The following ZNF429 variants were observed in gnomAD, a reference collection of about 807,000 sequenced individuals.
ZNF429 encodes zinc finger protein 429.
Under a neutral mutation model 56.8 loss-of-function variants are expected in ZNF429, and 53 were observed. That is an observed-to-expected ratio of 0.93 (90% confidence interval 0.75 to 1.17). ZNF429 has a LOEUF of 1.17. Among genes scored for constraint, ZNF429 ranks in the 50% most tolerant of loss-of-function variants. The probability of loss-of-function intolerance (pLI) is 0.00; values close to 1 mark genes in which losing one functional copy is unlikely to be tolerated. For synonymous variants in ZNF429, 278 were observed against 264.7 expected (o/e 1.05, Z -0.49); for missense variants, 849 against 788.4 (o/e 1.08, Z -0.92).
In ZNF429 at chr19:21,539,620, G is replaced by A. The variant is rs1296485771; in HGVS notation, c.*1542G>A. On this transcript the variant is annotated 3_prime_UTR_variant, in exon 4 of 4. Coordinates refer to ENST00000358491, the MANE Select transcript of ZNF429 (RefSeq NM_001001415.4). ...TTTTTTTTGTATTTTTAGTAGAGAT[G>A]AGATTTCACCATTTTGTCCAGGGTG... Among the ~76,000 whole-genome samples the A allele has an allele frequency of 6.8e-6, 1 of 148,116 alleles. No homozygotes were observed. Among genetic ancestry groups the A allele is most frequent in the African/African-American group, 2.5e-5 (1 of 40,134 alleles).
intron 1 of ZNF429, among the ~76,000 whole-genome samples, chr19:21,511,581 T>A (rs1161344120): frequency 3.4e-5 from 5 of 148,586 alleles, no homozygotes; most frequent in Non-Finnish European, 7.4e-5. Context: ...GAGACGCTCC[T>A]CACTTTCCAG....
intron 1 of ZNF429, among the ~76,000 whole-genome samples, chr19:21,512,400 C>A (rs145008907): frequency 6.6e-6 from 1 of 151,972 alleles, no homozygotes; most frequent in Admixed American, 6.6e-5. Flanking sequence ...GGGCCATGCG[C>A]GGTAATTTCA....
chr19:21,531,135 A>C, intron 3 of ZNF429, among the ~76,000 whole-genome samples: 10,831 of 141,038 alleles, frequency 0.077, 1,414 homozygotes, highest in African/African-American at 0.25. Context: ...AAAAACCAAA[A>C]AAAAAAAAAC....
chr19:21,532,944 C>T, intron 3 of ZNF429, among the ~76,000 whole-genome samples: 1 of 152,030 alleles, frequency 6.6e-6, no homozygotes. Flanking sequence ...ATCTGCCTGC[C>T]TCGGCCTCTC....
Position 21,505,785 on chromosome 19 carries a change from C to T in ZNF429, c.3+11C>T, listed in dbSNP as rs200587037. On this transcript the variant is annotated intron_variant, in intron 1 of 3. Transcript: ENST00000358491. Reference sequence around the variant, plus strand: ...GGAAGCCTAGAAATGGTGAGAGTGCCGAGTCTGACATCCCCAGAGAGGGGG... The same window carrying T: ...GGAAGCCTAGAAATGGTGAGAGTGCTGAGTCTGACATCCCCAGAGAGGGGG... 4 of 1,611,274 alleles carry T rather than the reference C, an allele frequency of 2.5e-6. No homozygotes were observed. The highest frequency in any genetic ancestry group is 3.3e-4 in the Middle Eastern group (2 of 6,052).
At chr19:21,535,416 CTTTCTTTCTTT>C in intron 3 of ZNF429, among the ~76,000 whole-genome samples, 409 of 7,916 alleles carry the variant, frequency 0.052, 55 homozygotes, top group Admixed American at 0.11. Flanking sequence ...TTTTTCTTTT[CTTTCTTTCTTT>C]CTTTCTTTCT....
chr19:21,519,315 T>C (rs965143182), intron 1 of ZNF429, among the ~76,000 whole-genome samples: 1 of 152,014 alleles, frequency 6.6e-6, no homozygotes, highest in African/African-American at 2.4e-5. Context: ...GAGAAACAAA[T>C]TTTCCTTTCT....
chr19:21,528,689 A>G (rs1304199043), intron 1 of ZNF429, among the ~76,000 whole-genome samples: 1 of 152,058 alleles, frequency 6.6e-6, no homozygotes, highest in African/African-American at 2.4e-5. Context: ...TGGGGGACAG[A>G]GTGAGACTCC....
chr19:21,516,034 TTTG>T (rs1159424582), intron 1 of ZNF429, among the ~76,000 whole-genome samples: 1 of 151,996 alleles, frequency 6.6e-6, no homozygotes, highest in Non-Finnish European at 1.5e-5. Context: ...TGCCTCCAGC[TTTG>T]TTTTTTGTTT....
chr19:21,528,236 A>C (rs1046931177), intron 1 of ZNF429, among the ~76,000 whole-genome samples: 2 of 152,206 alleles, frequency 1.3e-5, no homozygotes, highest in Admixed American at 6.5e-5. Flanking sequence ...AGAACATGTA[A>C]TGTTGAGGTT....
chr19:21,509,683 T>C (rs1027850773), intron 1 of ZNF429, among the ~76,000 whole-genome samples: 1 of 152,208 alleles, frequency 6.6e-6, no homozygotes, highest in Non-Finnish European at 1.5e-5. Context: ...CACAGGCAGA[T>C]ACAGTTACAG....
intron 1 of ZNF429, among the ~76,000 whole-genome samples, chr19:21,520,149 G>A (rs766809576): frequency 6.6e-6 from 1 of 152,168 alleles, no homozygotes; most frequent in Admixed American, 6.5e-5. Context: ...ATGAGCCACT[G>A]TGCCCAGCCA....
At chr19:21,530,726 C>A in intron 3 of ZNF429, 42 bp downstream of exon 3, 1 of 1,413,122 alleles carries the variant, frequency 7.1e-7, no homozygotes, top group South Asian at 1.3e-5. Flanking sequence ...GATGAGAGGT[C>A]CCAAGGCCAA....
At chr19:21,517,845 G>A (rs987039336) in intron 1 of ZNF429, among the ~76,000 whole-genome samples, 1 of 149,480 alleles carries the variant, frequency 6.7e-6, no homozygotes, top group Non-Finnish European at 1.5e-5. Context: ...CCAGGCTGGA[G>A]TACAGTGGCT....
In ZNF429 at chr19:21,529,688, G is replaced by T. The variant is rs774747670; in HGVS notation, c.34G>T (p.Glu12Ter). The change falls in exon 2 of 4, where the codon GAA (glutamate) becomes TAA (stop). Residue 12 changes from glutamate to a stop codon, truncating the protein, a stop_gained. Coordinates refer to ENST00000358491, the MANE Select transcript of ZNF429 (RefSeq NM_001001415.4). LOFTEE classifies it high-confidence loss of function. ...GPLTFTDVAI[E>*]FSLEEWQCLD... ...ATTGACATTTACAGATGTGGCCATA[G>T]AATTCTCTCTGGAGGAGTGGCAGTG... The T allele has an allele frequency of 7.5e-6, 12 of 1,596,704 alleles. No individual in the cohort carries two copies. The highest frequency in any genetic ancestry group is 1.0e-5 in the Non-Finnish European group (12 of 1,170,574).
chr19:21,536,249 G>A, intron 3 of ZNF429, 31 bp from the exon 4 acceptor site: 3 of 1,530,938 alleles, frequency 2.0e-6, no homozygotes, highest in Non-Finnish European at 2.6e-6. Flanking sequence ...TCTAGTAAGT[G>A]AAGTAATTTG....
In ZNF429 at chr19:21,537,057, A is replaced by G. The variant is rs779305141; in HGVS notation, c.1004A>G (p.His335Arg). ...ACCCTTACTAGCCATAAGAGAATAC[A>G]TACTGGTGAGAAACCCTACAAATGT... ...SSTLTSHKRIHTGEKPYKCEE... is the reference protein window; with the variant it reads ...SSTLTSHKRIRTGEKPYKCEE... Residue 335 changes from histidine to arginine, a missense_variant, in exon 4 of 4, where the codon CAT becomes CGT. By Grantham distance (29) the His-to-Arg change is conservative. Coordinates refer to ENST00000358491, the MANE Select transcript of ZNF429 (RefSeq NM_001001415.4). The G allele has an allele frequency of 7.4e-6, 12 of 1,613,914 alleles. No individual in the cohort carries two copies. The highest frequency in any genetic ancestry group is 1.1e-5 in the South Asian group (1 of 91,080).
intron 1 of ZNF429, among the ~76,000 whole-genome samples, chr19:21,520,644 A>G (rs1371914586): frequency 6.6e-6 from 1 of 152,198 alleles, no homozygotes; most frequent in African/African-American, 2.4e-5. Context: ...TTTTAAGAGT[A>G]CACAAAAGTT....
chr19:21,521,743 G>C (rs1301732419), intron 1 of ZNF429: 1 of 152,936 alleles, frequency 6.5e-6, no homozygotes, highest in Non-Finnish European at 1.5e-5. Flanking sequence ...GTCACAGTGA[G>C]AACTCTTGGA....
Sources: allele counts gnomAD v4.1 joint callset (sites outside exome capture counted in the v4.1 genomes callset), GRCh38; gene constraint gnomAD v4.1.1; transcripts MANE v1.5; gene names NCBI Gene and HGNC (gene_info 2026-07-23, HGNC 2026-07-21).